ADCY8: variants seen among roughly 807,000 people sequenced by gnomAD.
The protein encoded by ADCY8 is adenylate cyclase type 8.
In ADCY8, 51 loss-of-function variants were observed where a neutral mutation model predicts 119.7. The ratio of observed to expected loss-of-function variants is 0.43; its 90% confidence interval spans 0.34 to 0.54. The LOEUF is 0.54. ADCY8 is among the 20% of genes least tolerant of loss of function. ADCY8 has a pLI of 0.03. For synonymous variants in ADCY8, 665 were observed against 651.0 expected (o/e 1.02, Z -0.33); for missense variants, 1,383 against 1,598.8 (o/e 0.87, Z 2.30).
At chr8:131,028,848 G>C (rs1222546215) in intron 1 of ADCY8, among the ~76,000 whole-genome samples, 1 of 152,172 alleles carries the variant, frequency 6.6e-6, no homozygotes, top group African/African-American at 2.4e-5. Flanking sequence ...AGTACCAGGA[G>C]TCAAGTGGAA....
At chr8:130,837,416 T>C (rs1817023342) in intron 11 of ADCY8, among the ~76,000 whole-genome samples, 1 of 152,188 alleles carries the variant, frequency 6.6e-6, no homozygotes, top group Admixed American at 6.5e-5. Context: ...GCTTAGGTGT[T>C]CTCTCCTCTA....
chr8:131,011,184 A>G (rs917375337), intron 1 of ADCY8, among the ~76,000 whole-genome samples: 1 of 152,148 alleles, frequency 6.6e-6, no homozygotes, highest in African/African-American at 2.4e-5. Flanking sequence ...GAAAAAAAAA[A>G]AAAGAATTAA....
intron 3 of ADCY8, 92 bp from the exon 4 acceptor site, chr8:130,943,554 T>A (rs1821024606): frequency 1.3e-6 from 1 of 750,402 alleles, no homozygotes. Flanking sequence ...TCCCAGCAGA[T>A]AAACTGTCTT....
At chr8:130,861,245 T>C (rs891885651) in intron 9 of ADCY8, among the ~76,000 whole-genome samples, 1 of 152,206 alleles carries the variant, frequency 6.6e-6, no homozygotes, top group Non-Finnish European at 1.5e-5. Flanking sequence ...AACAGCTTGC[T>C]GAAGTTTTGA....
chr8:130,858,764 G>T (rs945783248), intron 9 of ADCY8, among the ~76,000 whole-genome samples: 2 of 152,070 alleles, frequency 1.3e-5, no homozygotes, highest in Non-Finnish European at 2.9e-5. Context: ...TGAACTTGTG[G>T]ATATTTATTT....
At chr8:131,026,867 C>T (rs1823838981) in intron 1 of ADCY8, among the ~76,000 whole-genome samples, 1 of 152,160 alleles carries the variant, frequency 6.6e-6, no homozygotes. Context: ...TGTATTATTT[C>T]ATCTCTTCAA....
chr8:131,021,478 G>T (rs1336852299), intron 1 of ADCY8, among the ~76,000 whole-genome samples: 3 of 152,124 alleles, frequency 2.0e-5, no homozygotes, highest in Admixed American at 6.6e-5. Context: ...ATGCAACTGG[G>T]CACATTACCT....
chr8:130,948,529 C>A (rs1056618434), intron 3 of ADCY8, among the ~76,000 whole-genome samples: 2 of 152,000 alleles, frequency 1.3e-5, no homozygotes, highest in African/African-American at 4.8e-5. Context: ...CACACGAATG[C>A]CCCCAAGCAT....
Position 130,970,308 on chromosome 8 carries a change from C to T in ADCY8, c.1111-18310G>A, listed in dbSNP as rs536424376. On this transcript the variant is annotated intron_variant, in intron 2 of 17. Transcript: ENST00000286355. ...ACCTGAGCTCTGCCTCCTGTCAGAT[C>T]GGTGGCAGCATTAGATTCTCATAGG... Among the ~76,000 whole-genome samples the T allele has an allele frequency of 5.9e-5, 9 of 152,270 alleles. No individual in the cohort carries two copies. The South Asian group carries it at 6.2e-4, about 11-fold the overall frequency.
At chr8:131,038,821 G>A (rs1824250624) in intron 1 of ADCY8, among the ~76,000 whole-genome samples, 1 of 152,172 alleles carries the variant, frequency 6.6e-6, no homozygotes, top group Non-Finnish European at 1.5e-5. Flanking sequence ...TGTGTCATAG[G>A]ATTGTTTGAA....
intron 8 of ADCY8, among the ~76,000 whole-genome samples, chr8:130,877,295 G>A (rs922681121): frequency 6.6e-6 from 1 of 152,202 alleles, no homozygotes; most frequent in Admixed American, 6.5e-5. Flanking sequence ...ACAAGCCAGA[G>A]TGTAAGTTCC....
intron 13 of ADCY8, among the ~76,000 whole-genome samples, chr8:130,816,330 G>C (rs564768026): frequency 2.6e-5 from 4 of 151,490 alleles, no homozygotes; most frequent in East Asian, 1.9e-4. Context: ...TCCAAGAGGA[G>C]AAAAGTGTAT....
chr8:131,005,535 ACTGCCCTTCTGTGTCCCACT>A lies in ADCY8; in HGVS notation c.961-15013_961-14994del, dbSNP rs1211421021. On this transcript the variant is annotated intron_variant, in intron 1 of 17. Coordinates refer to ENST00000286355, the MANE Select transcript of ADCY8 (RefSeq NM_001115.3). ...GCTATTCTCCTTTGGCCTCTAAAAA[ACTGCCCTTCTGTGTCCCACT>A]CTTTGCCCAGAAAAGTTGTTATCTC... 6.6e-5 allele frequency among the ~76,000 whole-genome samples: 10 copies of A among 152,260 alleles called. 1 individual carries two copies. Among genetic ancestry groups the A allele is most frequent in the African/African-American group, 2.2e-4 (9 of 41,536 alleles).
intron 9 of ADCY8, among the ~76,000 whole-genome samples, chr8:130,853,439 G>A (rs74428013): frequency 0.01 from 1,543 of 152,338 alleles, 16 homozygotes; most frequent in Non-Finnish European, 0.017. Context: ...TTAACTGTGG[G>A]ATATGAGGGC....
At chr8:130,964,534 T>C (rs1201335815) in intron 2 of ADCY8, among the ~76,000 whole-genome samples, 1 of 152,226 alleles carries the variant, frequency 6.6e-6, no homozygotes, top group African/African-American at 2.4e-5. Flanking sequence ...GACTTTGTAA[T>C]GCTGAGCAGC....
At chr8:130,837,419 C>G (rs1340377214) in intron 11 of ADCY8, among the ~76,000 whole-genome samples, 2 of 152,220 alleles carry the variant, frequency 1.3e-5, no homozygotes, top group Non-Finnish European at 2.9e-5. Flanking sequence ...TAGGTGTTCT[C>G]TCCTCTAAGA....
intron 5 of ADCY8, among the ~76,000 whole-genome samples, chr8:130,936,774 A>G (rs113973365): frequency 5.9e-5 from 9 of 152,272 alleles, no homozygotes; most frequent in African/African-American, 2.2e-4. Context: ...CTCTCTCTGC[A>G]CTGTAACATC....
intron 5 of ADCY8, among the ~76,000 whole-genome samples, chr8:130,926,661 A>G (rs905919946): frequency 1.3e-5 from 2 of 152,098 alleles, no homozygotes; most frequent in Non-Finnish European, 2.9e-5. Context: ...ATAGTCACCA[A>G]GATGTATAAT....
chr8:130,903,708 C>G, intron 7 of ADCY8, 64 bp downstream of exon 7: 1 of 1,567,122 alleles, frequency 6.4e-7, no homozygotes, highest in African/African-American at 1.4e-5. Flanking sequence ...TCTGAGGTGT[C>G]TGGATTGGAG....
Sources: allele counts gnomAD v4.1 joint callset (sites outside exome capture counted in the v4.1 genomes callset), GRCh38; gene constraint gnomAD v4.1.1; transcripts MANE v1.5; gene names NCBI Gene and HGNC (gene_info 2026-07-23, HGNC 2026-07-21).